ADARB2: variants seen among roughly 807,000 people sequenced by gnomAD.
ADARB2 encodes the protein inactive double-stranded RNA-specific editase B2.
A neutral mutation model predicts 62.2 loss-of-function variants in ADARB2; 25 were observed. The observed-to-expected ratio is 0.40, with a 90% CI of 0.29 to 0.56. The LOEUF (loss-of-function observed/expected upper bound fraction) is 0.56. ADARB2 is among the 20% of genes least tolerant of loss of function. The pLI is 0.43. For synonymous variants in ADARB2, 572 were observed against 500.8 expected (o/e 1.14, Z -1.90); for missense variants, 1,071 against 1,077.4 (o/e 0.99, Z 0.08).
intron 1 of ADARB2, among the ~76,000 whole-genome samples, chr10:1,663,909 C>T (rs1254602824): frequency 4.6e-5 from 7 of 152,180 alleles, no homozygotes; most frequent in East Asian, 1.9e-4. Flanking sequence ...TGAGCCACCA[C>T]GCCTGGCCAG....
At chr10:1,196,644 A>G (rs1380384560) in intron 8 of ADARB2, among the ~76,000 whole-genome samples, 2 of 152,230 alleles carry the variant, frequency 1.3e-5, no homozygotes, top group South Asian at 4.1e-4. Context: ...ATCATAAGCT[A>G]TGTGCCATCT....
chr10:1,285,030 GAT>G (rs1831400550), intron 3 of ADARB2, among the ~76,000 whole-genome samples: 2 of 152,180 alleles, frequency 1.3e-5, no homozygotes, highest in South Asian at 4.1e-4. Context: ...GGGCAGGTGA[GAT>G]AGTGCTTTGC....
intron 1 of ADARB2, among the ~76,000 whole-genome samples, chr10:1,445,559 T>A (rs115538857): frequency 1.3e-5 from 2 of 152,092 alleles, no homozygotes; most frequent in African/African-American, 4.8e-5. Context: ...TCCATCCATC[T>A]GTCCTTCCAT....
intron 1 of ADARB2, among the ~76,000 whole-genome samples, chr10:1,392,454 C>A (rs1349430973): frequency 2.0e-5 from 3 of 152,286 alleles, no homozygotes; most frequent in South Asian, 4.1e-4. Flanking sequence ...ACAGGTATGT[C>A]TTCAAATGGA....
chr10:1,656,906 A>G (rs921533029), intron 1 of ADARB2, among the ~76,000 whole-genome samples: 1 of 152,118 alleles, frequency 6.6e-6, no homozygotes, highest in African/African-American at 2.4e-5. Context: ...GATGGGCCAG[A>G]AAAAAACAAA....
chr10:1,552,214 G>T (rs1008517806), intron 1 of ADARB2, among the ~76,000 whole-genome samples: 1 of 152,254 alleles, frequency 6.6e-6, no homozygotes, highest in Non-Finnish European at 1.5e-5. Flanking sequence ...GGGGCCAGGA[G>T]CCTTTCCTTT....
At chr10:1,572,024 T>C (rs1314637293) in intron 1 of ADARB2, among the ~76,000 whole-genome samples, 4 of 133,362 alleles carry the variant, frequency 3.0e-5, no homozygotes, top group Non-Finnish European at 3.1e-5. Flanking sequence ...GAAAGGTGAG[T>C]AGGCAAGTGA....
intron 8 of ADARB2, among the ~76,000 whole-genome samples, chr10:1,186,345 T>C (rs956859902): frequency 2.0e-5 from 3 of 152,164 alleles, no homozygotes; most frequent in Non-Finnish European, 4.4e-5. Flanking sequence ...CAGAGTCTCA[T>C]AGGAAGATGC....
At chr10:1,219,049 C>CA (rs58282140) in intron 6 of ADARB2, among the ~76,000 whole-genome samples, 38,053 of 102,562 alleles carry the variant, frequency 0.37, 8,043 homozygotes, top group East Asian at 0.7. Flanking sequence ...GACTACGTCT[C>CA]AAAAAAAAAA....
At chr10:1,439,640 A>G (rs1228955033) in intron 1 of ADARB2, among the ~76,000 whole-genome samples, 1 of 131,710 alleles carries the variant, frequency 7.6e-6, no homozygotes, top group Non-Finnish European at 1.6e-5. Flanking sequence ...TCTCCTCAGC[A>G]GATGGAGGCA....
chr10:1,607,200 G>C (rs1588321148), intron 1 of ADARB2, among the ~76,000 whole-genome samples: 1 of 152,318 alleles, frequency 6.6e-6, no homozygotes, highest in Admixed American at 6.5e-5. Context: ...CCCTAACTCT[G>C]GTGGGCAGAA....
intron 7 of ADARB2, among the ~76,000 whole-genome samples, chr10:1,207,232 A>G (rs1353762964): frequency 6.6e-6 from 1 of 152,168 alleles, no homozygotes; most frequent in Non-Finnish European, 1.5e-5. Context: ...CTGTAATCCC[A>G]GCTACTCGGG....
intron 1 of ADARB2, among the ~76,000 whole-genome samples, chr10:1,576,154 TCAC>T (rs1833017826): frequency 2.0e-4 from 2 of 10,090 alleles, no homozygotes; most frequent in Non-Finnish European, 3.8e-4. Context: ...GGGTCCACGG[TCAC>T]AGGAGGGGGG....
intron 1 of ADARB2, among the ~76,000 whole-genome samples, chr10:1,670,451 A>C (rs1313521168): frequency 6.6e-6 from 1 of 152,228 alleles, no homozygotes; most frequent in Non-Finnish European, 1.5e-5. Flanking sequence ...TGTTCCAGTA[A>C]GATTTTGGCT....
At chr10:1,572,822 T>C (rs1403591118) in intron 1 of ADARB2, among the ~76,000 whole-genome samples, 2 of 152,130 alleles carry the variant, frequency 1.3e-5, no homozygotes. Context: ...TGCGTGGACA[T>C]TTGCTGCTGG....
chr10:1,232,953 A>G (rs1252722545), intron 6 of ADARB2, among the ~76,000 whole-genome samples: 2 of 151,974 alleles, frequency 1.3e-5, no homozygotes, highest in African/African-American at 4.8e-5. Context: ...TGGTATATAC[A>G]TATATGTGTG....
chr10:1,662,324 G>A (rs1834258871), intron 1 of ADARB2, among the ~76,000 whole-genome samples: 3 of 152,182 alleles, frequency 2.0e-5, no homozygotes, highest in African/African-American at 7.2e-5. Context: ...GAGGAGATGG[G>A]CCTCCATCCT....
chr10:1,322,111 A>G (rs1046016313), intron 3 of ADARB2, among the ~76,000 whole-genome samples: 2 of 152,170 alleles, frequency 1.3e-5, no homozygotes, highest in African/African-American at 2.4e-5. Flanking sequence ...CTCAGGGCAG[A>G]GAAACTGCAG....
intron 1 of ADARB2, among the ~76,000 whole-genome samples, chr10:1,433,762 A>T (rs1830802757): frequency 6.6e-6 from 1 of 152,216 alleles, no homozygotes; most frequent in South Asian, 2.1e-4. Context: ...GCGCGGAGAT[A>T]ATTTAAAGGA....
Sources: gnomAD v4.1 joint callset for allele counts (sites outside exome capture counted in the v4.1 genomes callset) on GRCh38, gnomAD v4.1.1 for gene constraint, MANE v1.5 for transcripts, NCBI Gene and HGNC (gene_info 2026-07-23, HGNC 2026-07-21) for gene names.